Variants in FEZF1 observed in about 807,000 individuals in gnomAD.
The protein encoded by FEZF1 is FEZ family zinc finger 1.
Under a neutral mutation model 32.4 loss-of-function variants are expected in FEZF1, and 8 were observed. The ratio of observed to expected loss-of-function variants is 0.25; its 90% CI spans 0.15 to 0.45. FEZF1 has a LOEUF of 0.45. Among genes scored for constraint, FEZF1 ranks in the 20% least tolerant of loss-of-function variants. The probability of loss-of-function intolerance (pLI) is 1.00; values close to 1 mark genes in which losing one functional copy is unlikely to be tolerated. For missense variants in FEZF1, 546 were observed against 622.3 expected, an observed-to-expected ratio of 0.88 and a Z score of 1.31; for synonymous variants, 259 against 265.2, an observed-to-expected ratio of 0.98 and a Z score of 0.23.
chr7:122,303,520 A>AGGAG (rs1402966335), intron 1 of FEZF1, 117 bp downstream of exon 1: 12,108 of 498,972 alleles, frequency 0.024, 203 homozygotes, highest in Non-Finnish European at 0.025. Context: ...GAAGGAAGGA[A>AGGAG]GGAAGGAAGG....
rs1269649638 is a variant in FEZF1, at chr7:122,302,098, G to T, written c.1327C>A (p.Pro443Thr). The T allele has an allele frequency of 1.2e-6, 2 of 1,611,324 alleles. No individual in the cohort carries two copies. The highest frequency in any genetic ancestry group is 2.2e-5 in the East Asian group (1 of 44,822). Reference protein sequence around the residue: ...PAGEPGTEPPPPLPQQPPMTL... With the variant: ...PAGEPGTEPPTPLPQQPPMTL... ...ATCGGCGGCTGCTGCGGTAGCGGGG[G>T]CGGCGGTTCAGTGCCTGGTTCGCCA... Residue 443 changes from proline (P) to threonine (T), a missense_variant, in exon 4 of 4, where the codon CCC (proline) becomes ACC (threonine). Physicochemically the swap from Pro to Thr is conservative, Grantham distance 38. This residue lies in a region of FEZF1 where 83 missense variants were observed against 73.0 expected (regional missense o/e 1.14). Transcript: ENST00000442488. This position sits in a 1 kb window ranked among gnomAD's most constrained non-coding sequence, Gnocchi z 4.4.
At chr7:122,309,161 A>G (rs893795926), upstream of FEZF1, among the ~76,000 whole-genome samples, 1 of 152,220 alleles carries the variant, frequency 6.6e-6, no homozygotes, top group Non-Finnish European at 1.5e-5. Context: ...GTTAGCAAAC[A>G]TATTGGCAAC....
At chr7:122,303,505 GGAA>G (rs2031123466) in intron 1 of FEZF1, 129 bp downstream of exon 1, 35 of 550,182 alleles carry the variant, frequency 6.4e-5, no homozygotes, top group East Asian at 2.1e-4. Context: ...AAGGAAGGAA[GGAA>G]GGAAGGAAGG....
intron 2 of FEZF1, 119 bp from the exon 3 acceptor site, chr7:122,303,050 A>G (rs2031102539): frequency 7.2e-6 from 11 of 1,524,720 alleles, no homozygotes; most frequent in Non-Finnish European, 9.8e-6. Flanking sequence ...CAAACAATAC[A>G]TGGCATTCAC....
intron 1 of FEZF1, among the ~76,000 whole-genome samples, 161 bp downstream of exon 1, chr7:122,303,476 A>C (rs867445635): frequency 1.1e-4 from 2 of 18,784 alleles, no homozygotes; most frequent in Non-Finnish European, 2.0e-4. Flanking sequence ...GAGGGAGGGA[A>C]GGAAGGAAGG....
At position 122,302,859 on chromosome 7, in the gene FEZF1, T is replaced by C; in HGVS notation, c.1009A>G (p.Ile337Val). 1 of 1,614,088 alleles carries C rather than the reference T, an allele frequency of 6.2e-7. No homozygotes were observed. The highest frequency in any genetic ancestry group is 8.5e-7 in the Non-Finnish European group (1 of 1,180,006). ...ACAAACGGTTTGTAGCCCGCGTGTA[T>C]TCGGGTATGAGTGTTTAAAGTGGAA... ...RSSTLNTHTRIHAGYKPFVCE... is the reference protein window; with the variant it reads ...RSSTLNTHTRVHAGYKPFVCE... Residue 337 changes from isoleucine (I) to valine (V), a missense_variant, in exon 3 of 4, where the codon ATA becomes GTA. Physicochemically the swap from Ile to Val is conservative, Grantham distance 29 (BLOSUM62 3). Coordinates refer to ENST00000442488, the MANE Select transcript of FEZF1 (RefSeq NM_001024613.4). The surrounding 1 kb of genome is among the most constrained non-coding windows in gnomAD (Gnocchi z 4.4).
Position 122,302,092 on chromosome 7 carries a change from G to T in FEZF1, c.1333C>A (p.Leu445Ile), listed in dbSNP as rs2031061386. 6.2e-7 allele frequency: 1 copy of T among 1,610,218 alleles called. No individual in the cohort carries two copies. Among genetic ancestry groups the T allele is most frequent in the Non-Finnish European group, 8.5e-7 (1 of 1,179,034 alleles). ...AGCGTCATCGGCGGCTGCTGCGGTA[G>T]CGGGGGCGGCGGTTCAGTGCCTGGT... Reference protein sequence around the residue: ...GEPGTEPPPPLPQQPPMTLPP... With the variant: ...GEPGTEPPPPIPQQPPMTLPP... Residue 445 changes from leucine to isoleucine, a missense_variant, in exon 4 of 4, where the codon CTA becomes ATA. By Grantham distance (5) the Leu-to-Ile change is conservative (BLOSUM62 2). Transcript: ENST00000442488. This position sits in a 1 kb window ranked among gnomAD's most constrained non-coding sequence, Gnocchi z 4.4.
chr7:122,308,569 A>C (rs547709019), upstream of FEZF1: 2 of 152,348 alleles, frequency 1.3e-5, no homozygotes, highest in South Asian at 4.1e-4. Context: ...TAATAAGATA[A>C]TAGAGCCATA....
In FEZF1 at chr7:122,304,185, T is replaced by C. The variant is rs145467198; in HGVS notation, c.253A>G (p.Ser85Gly). The C allele has an allele frequency of 7.2e-3, 11,466 of 1,598,808 alleles. 43 individuals are homozygous for C. The highest frequency in any genetic ancestry group is 8.2e-3 in the Non-Finnish European group (9,650 of 1,170,528). ...GAGCCCGTCACTCCTGCCTTGGGGC[T>C]CGTGTCGTAGGCCACAGGCACGAAG... Reference protein sequence around the residue: ...IPFVPVAYDTSPKAGVTGSEP... With the variant: ...IPFVPVAYDTGPKAGVTGSEP... Residue 85 changes from serine to glycine, a missense_variant, in exon 1 of 4, where the codon AGC becomes GGC. Transcript: ENST00000442488.
In FEZF1 at chr7:122,304,228, C is replaced by A. The variant is rs1238001752; in HGVS notation, c.210G>T (p.Ser70=). The A allele has an allele frequency of 1.3e-6, 2 of 1,596,102 alleles. No homozygotes were observed. Among genetic ancestry groups the A allele is most frequent in the South Asian group, 1.1e-5 (1 of 88,704 alleles). Residue 70 remains serine (S), a synonymous_variant, in exon 1 of 4, where the codon TCG becomes TCT. Transcript: ENST00000442488. ...EPKHSLHLNS[S]IPCMIPFVPV... ...GCACGAAGGGGATCATGCAGGGGAT[C>A]GACGAGTTGAGATGCAGAGAGTGCT...
chr7:122,305,172 G>C, upstream of FEZF1: 1 of 152,184 alleles, frequency 6.6e-6, no homozygotes, highest in East Asian at 1.9e-4. Flanking sequence ...AGGAAGCCTC[G>C]GCAGTGAAAT....
upstream of FEZF1, chr7:122,305,028 T>C (rs536036005): frequency 6.6e-6 from 1 of 151,112 alleles, no homozygotes; most frequent in African/African-American, 2.4e-5. Context: ...AAATCTGAGA[T>C]CAATTTTCTC....
intron 1 of FEZF1, 116 bp downstream of exon 1, chr7:122,303,516 AGGAAG>A (rs1433285803): frequency 7.5e-6 from 4 of 532,536 alleles, no homozygotes; most frequent in African/African-American, 4.9e-5. Context: ...GAAGGAAGGA[AGGAAG>A]GAAGGAAGGA....
At position 122,303,516 on chromosome 7, in the gene FEZF1, A is replaced by AGGAG. The variant is rs1563042037; in HGVS notation, c.801+120_801+121insCTCC. The AGGAG allele has an allele frequency of 0.035, 18,830 of 531,346 alleles. 572 individuals are homozygous for AGGAG. Among genetic ancestry groups the AGGAG allele is most frequent in the South Asian group, 0.085 (3,710 of 43,526 alleles). 32.9% of individuals were successfully genotyped at this position (531,346 alleles called of 1,614,324 possible). ...AAGGAAGGAAGGAAGGAAGGAAGGA[A>AGGAG]GGAAGGAAGGAAGGAAGGAAGGAGG... is the stretch of plus-strand genomic sequence containing the variant. On this transcript the variant is annotated intron_variant, in intron 1 of 3. Transcript: ENST00000442488.
At chr7:122,310,569 G>C (rs1273212369) in exon 1 of FEZF1, 1 of 152,316 alleles carries the variant, frequency 6.6e-6, no homozygotes, top group African/African-American at 2.4e-5. Context: ...GCTTGGAGGC[G>C]GCTGGGAGTT....
chr7:122,303,108 G>T, intron 2 of FEZF1, 69 bp downstream of exon 2: 1 of 1,605,308 alleles, frequency 6.2e-7, no homozygotes, highest in Non-Finnish European at 8.5e-7. Flanking sequence ...AAAGAGTAAG[G>T]TTTTATCGGC....
chr7:122,303,547 AAGGAAGGAGGGAAGGAGGGAGGGAGGG>A, intron 1 of FEZF1, 63 bp downstream of exon 1: 1 of 449,318 alleles, frequency 2.2e-6, no homozygotes, highest in Non-Finnish European at 3.8e-6. Flanking sequence ...GGAGGGAGGG[AAGGAAGGAGGGAAGGAGGGAGGGAGGG>A]AGGGAAGGAA....
chr7:122,306,749 G>C (rs1454945664), upstream of FEZF1: 4 of 152,490 alleles, frequency 2.6e-5, no homozygotes, highest in South Asian at 4.1e-4. Flanking sequence ...GGGCAAGATG[G>C]GGGGAGAGGT....
chr7:122,310,639 C>G (rs2031398215), exon 1 of FEZF1: 2 of 152,326 alleles, frequency 1.3e-5, no homozygotes, highest in Admixed American at 1.3e-4. Context: ...GCGTCCGGCT[C>G]CCGGGGTGGT....
Sources: allele counts gnomAD v4.1 joint callset (sites outside exome capture counted in the v4.1 genomes callset), GRCh38; gene constraint gnomAD v4.1.1; regional missense constraint gnomAD v4.1.1; non-coding constraint Gnocchi (gnomAD v3.1); transcripts MANE v1.5; gene names NCBI Gene and HGNC (gene_info 2026-07-23, HGNC 2026-07-21).